The following MAP3K20 variants were observed in gnomAD, a reference collection of about 807,000 sequenced individuals.
MAP3K20 encodes mitogen-activated protein kinase kinase kinase 20, also known as HCCS-4.
In MAP3K20, 40 loss-of-function variants were observed where a neutral mutation model predicts 85.7. The observed-to-expected ratio is 0.47, with a 90% CI of 0.36 to 0.61. The LOEUF (loss-of-function observed/expected upper bound fraction) is 0.61, where lower values mean the gene tolerates loss of function less well. Ranked by LOEUF, MAP3K20 falls within the 20% of genes least tolerant of loss-of-function variation. The probability of loss-of-function intolerance (pLI) is 0.00; values close to 1 mark genes in which losing one functional copy is unlikely to be tolerated. For missense variants in MAP3K20, 817 were observed against 961.7 expected, an observed-to-expected ratio of 0.85 and a Z score of 1.99; for synonymous variants, 325 against 327.7, an observed-to-expected ratio of 0.99 and a Z score of 0.09.
Position 173,191,132 on chromosome 2 carries a change from G to C in MAP3K20, c.537G>C (p.Gln179His). Residue 179 changes from glutamine to histidine, a missense_variant, in exon 7 of 20, where the codon CAG becomes CAC. Gln to His is a conservative substitution (Grantham distance 24). Coordinates refer to ENST00000375213, the MANE Select transcript of MAP3K20 (RefSeq NM_016653.3). ...CATGGATGGCTCCAGAAGTTATCCA[G>C]AGTCTCCCTGTGTCAGAAACTTGTG... ...TFPWMAPEVI[Q>H]SLPVSETCDT... is the part of the protein sequence containing the mutation. 1 of 1,613,978 alleles carries C rather than the reference G, an allele frequency of 6.2e-7. No individual in the cohort carries two copies. The highest frequency in any genetic ancestry group is 8.5e-7 in the Non-Finnish European group (1 of 1,179,936).
chr2:173,162,429 TA>T (rs1689686201), intron 2 of MAP3K20, among the ~76,000 whole-genome samples: 1 of 152,104 alleles, frequency 6.6e-6, no homozygotes, highest in Non-Finnish European at 1.5e-5. Context: ...CTCACACCTG[TA>T]ATCCCAGCAC....
intron 14 of MAP3K20, among the ~76,000 whole-genome samples, chr2:173,237,018 C>T (rs1365658509): frequency 8.3e-6 from 1 of 119,908 alleles, no homozygotes; most frequent in African/African-American, 3.3e-5. Flanking sequence ...AGTATATCCA[C>T]CTTTTTTTTT....
At chr2:173,226,782 A>C (rs558273691) in intron 11 of MAP3K20, 1 of 984,888 alleles carries the variant, frequency 1.0e-6, no homozygotes, top group East Asian at 1.1e-4. Flanking sequence ...TGCACTCTTA[A>C]AATTTTTGTA....
At position 173,091,373 on chromosome 2, in the gene MAP3K20, TTAGGGTTGAGTTCTAC is replaced by T. The variant is rs574429691; in HGVS notation, c.159+189_159+204del. Among the ~76,000 whole-genome samples, 178 of 152,162 alleles carry T rather than the reference TTAGGGTTGAGTTCTAC, an allele frequency of 1.2e-3. 2 individuals carry two copies. Among genetic ancestry groups the T allele is most frequent in the Non-Finnish European group, 2.1e-3 (141 of 67,976 alleles). On this transcript the variant is annotated intron_variant, in intron 2 of 19. Coordinates refer to ENST00000375213, the MANE Select transcript of MAP3K20 (RefSeq NM_016653.3). ...AATAGAAATTATTGCAGCGTGTGCT[TTAGGGTTGAGTTCTAC>T]TAGGGGTCAGCTGAAGTAAGAGGAT... is the stretch of plus-strand genomic sequence containing the variant.
chr2:173,227,684 CTTCTA>C (rs978269389), intron 11 of MAP3K20, among the ~76,000 whole-genome samples: 6 of 152,274 alleles, frequency 3.9e-5, no homozygotes, highest in Admixed American at 1.3e-4. Context: ...TCATTTACAA[CTTCTA>C]TTCTATTCAA....
chr2:173,227,777 C>G (rs78996832), intron 11 of MAP3K20, among the ~76,000 whole-genome samples: 3,205 of 152,312 alleles, frequency 0.021, 57 homozygotes, highest in Admixed American at 0.041. Flanking sequence ...TCCCCTCCCC[C>G]CAACCCAGTT....
intron 9 of MAP3K20, among the ~76,000 whole-genome samples, chr2:173,206,492 C>T (rs1683690387): frequency 6.6e-6 from 1 of 152,228 alleles, no homozygotes; most frequent in Non-Finnish European, 1.5e-5. Context: ...ACATTTCCAA[C>T]TCTCTCACTG....
At position 173,258,826 on chromosome 2, in the gene MAP3K20, A is replaced by G; in HGVS notation, c.1476+11A>G. ...TTAAAGATGACAAAGGTAGGGTTCT[A>G]TTTACGGCTTAAAAGCTCTTTTGAA... On this transcript the variant is annotated intron_variant, in intron 17 of 19. Transcript: ENST00000375213. 2 of 1,517,450 alleles carry G rather than the reference A, an allele frequency of 1.3e-6. No individual in the cohort carries two copies. The highest frequency in any genetic ancestry group is 1.8e-6 in the Non-Finnish European group (2 of 1,094,460). 94.0% of individuals were successfully genotyped at this position (1,517,450 alleles called of 1,614,324 possible). A position where few individuals can be genotyped will look rare whatever the true frequency, so the allele number is the denominator to read the frequency against.
rs145431255 is a variant in MAP3K20 at position 173,222,764 on chromosome 2, C to T, written c.987+5514C>T. The T allele has an allele frequency of 2.4e-4, 234 of 985,256 alleles. 7 individuals carry two copies. The Admixed American group carries it at 9.2e-3, about 39-fold the overall frequency. The allele number at this position is 985,256 out of a possible 1,614,324, so 61.0% of individuals were successfully genotyped here. ...TACCAGGGTTGTTTTTTGTTTTAAC[C>T]CTGCTTAATAATGTTGGTGTTTTAG... On this transcript the variant is annotated intron_variant, in intron 11 of 19. Coordinates refer to ENST00000375213, the MANE Select transcript of MAP3K20 (RefSeq NM_016653.3).
At chr2:173,085,209 A>T (rs1191383459) in intron 1 of MAP3K20, among the ~76,000 whole-genome samples, 1 of 152,208 alleles carries the variant, frequency 6.6e-6, no homozygotes, top group Non-Finnish European at 1.5e-5. Flanking sequence ...TTAACATTAG[A>T]ACTGTAGTGG....
chr2:173,174,454 G>A lies in MAP3K20; in HGVS notation c.247+4562G>A, dbSNP rs549464894. Among the ~76,000 whole-genome samples the A allele has an allele frequency of 1.1e-4, 17 of 152,256 alleles. No individual in the cohort carries two copies. The East Asian group carries it at 3.3e-3, about 29-fold the overall frequency. On this transcript the variant is annotated intron_variant, in intron 3 of 19. Transcript: ENST00000375213. ...CTCGCACTTATGAGTGAGAACATGT[G>A]GTGTTTGGTTTTCTGTTCCTGTGTT...
intron 10 of MAP3K20, among the ~76,000 whole-genome samples, chr2:173,213,121 T>C (rs926128505): frequency 6.6e-6 from 1 of 152,146 alleles, no homozygotes; most frequent in Admixed American, 6.5e-5. Flanking sequence ...CACTGGGTAA[T>C]GGGATTATAG....
At chr2:173,106,039 T>A (rs2106166323) in intron 2 of MAP3K20, among the ~76,000 whole-genome samples, 1 of 152,318 alleles carries the variant, frequency 6.6e-6, no homozygotes, top group South Asian at 2.1e-4. Flanking sequence ...CTGTGAGAAA[T>A]TAGTGAATAC....
chr2:173,213,150 A>ATATC (rs899601918), intron 10 of MAP3K20, among the ~76,000 whole-genome samples: 7 of 152,196 alleles, frequency 4.6e-5, no homozygotes, highest in Admixed American at 1.3e-4. Flanking sequence ...TTTTATTTGT[A>ATATC]TATCTTTATT....
intron 11 of MAP3K20, among the ~76,000 whole-genome samples, chr2:173,227,907 A>T (rs2106327977): frequency 6.6e-6 from 1 of 152,304 alleles, no homozygotes; most frequent in East Asian, 1.9e-4. Context: ...AGGGAATGGC[A>T]TGATTCTGCA....
At chr2:173,238,342 C>G in intron 14 of MAP3K20, 31 bp from the exon 15 acceptor site, 2 of 1,572,760 alleles carry the variant, frequency 1.3e-6, no homozygotes, top group Non-Finnish European at 1.7e-6. Flanking sequence ...ATTACTGGAT[C>G]ATTAATAAAG....
chr2:173,257,740 A>C (rs1223454703), intron 16 of MAP3K20, among the ~76,000 whole-genome samples: 2 of 152,150 alleles, frequency 1.3e-5, no homozygotes, highest in Non-Finnish European at 2.9e-5. Context: ...ATTTTTCTGA[A>C]GCAATTGTAC....
chr2:173,201,382 C>T (rs1401812225), intron 8 of MAP3K20, among the ~76,000 whole-genome samples: 1 of 152,112 alleles, frequency 6.6e-6, no homozygotes, highest in Non-Finnish European at 1.5e-5. Context: ...AATCAGTGAT[C>T]ATTCAGAATG....
chr2:173,168,511 C>T lies in MAP3K20; in HGVS notation c.160-1294C>T, dbSNP rs1689904078. 3.3e-5 allele frequency among the ~76,000 whole-genome samples: 5 copies of T among 152,142 alleles called. No homozygotes were observed. The South Asian group carries it at 1.0e-3, about 31-fold the overall frequency. On this transcript the variant is annotated intron_variant, in intron 2 of 19. Coordinates refer to ENST00000375213, the MANE Select transcript of MAP3K20 (RefSeq NM_016653.3). ...TTTTTAATGAAATCCCAACTCTTATCCTATGAAAAAAACTGATTAGCAAAT... is the reference window on the plus strand; with the variant it reads ...TTTTTAATGAAATCCCAACTCTTATTCTATGAAAAAAACTGATTAGCAAAT...
Sources: gnomAD v4.1 joint callset for allele counts (sites outside exome capture counted in the v4.1 genomes callset) on GRCh38, gnomAD v4.1.1 for gene constraint, MANE v1.5 for transcripts, NCBI Gene and HGNC (gene_info 2026-07-23, HGNC 2026-07-21) for gene names.